The following CCDC171 variants were observed in gnomAD, a reference collection of about 807,000 sequenced individuals.
The protein encoded by CCDC171 is coiled-coil domain containing 171.
Under a neutral mutation model 168.2 loss-of-function variants are expected in CCDC171, and 177 were observed. The observed-to-expected ratio is 1.05, with a 90% CI of 0.93 to 1.19. The LOEUF (loss-of-function observed/expected upper bound fraction) is 1.19. CCDC171 is among the 50% of genes most tolerant of loss of function. The pLI is 0.00. For missense variants in CCDC171, 1,991 were observed against 1,539.0 expected (o/e 1.29, Z -4.91); for synonymous variants, 687 against 540.8 (o/e 1.27, Z -3.75).
At chr9:15,813,508 C>A (rs1250846032) in intron 21 of CCDC171, among the ~76,000 whole-genome samples, 2 of 151,982 alleles carry the variant, frequency 1.3e-5, no homozygotes, top group African/African-American at 2.4e-5. Context: ...TCCCTTTGAC[C>A]ACAACCAACA....
chr9:15,990,791 G>A (rs1832166947), intron 3 of CCDC171, among the ~76,000 whole-genome samples: 1 of 152,102 alleles, frequency 6.6e-6, no homozygotes, highest in Admixed American at 6.5e-5. Flanking sequence ...CTCTGATAAA[G>A]CAGGCTTTAA....
chr9:15,833,630 C>T (rs554156197), intron 21 of CCDC171, among the ~76,000 whole-genome samples: 4 of 152,224 alleles, frequency 2.6e-5, no homozygotes, highest in Admixed American at 2.6e-4. Context: ...TTATTATTAA[C>T]TACAGTGAGG....
intron 21 of CCDC171, among the ~76,000 whole-genome samples, chr9:15,813,568 T>C (rs2135995556): frequency 1.3e-5 from 2 of 152,238 alleles, no homozygotes; most frequent in Middle Eastern, 6.8e-3. Context: ...TACAAGTCTG[T>C]GTTTCTTTCT....
intron 6 of CCDC171, among the ~76,000 whole-genome samples, chr9:15,602,172 G>T (rs1431330445): frequency 6.6e-6 from 1 of 152,042 alleles, no homozygotes. Flanking sequence ...ATTAACAAAA[G>T]AAAATAGCTT....
At chr9:15,699,288 C>G (rs1269384417) in intron 11 of CCDC171, among the ~76,000 whole-genome samples, 2 of 151,934 alleles carry the variant, frequency 1.3e-5, no homozygotes, top group Non-Finnish European at 2.9e-5. Flanking sequence ...GGCTCGCTGG[C>G]TCAGGAGTGA....
intron 9 of CCDC171, among the ~76,000 whole-genome samples, chr9:15,673,691 A>T (rs2049298535): frequency 6.6e-6 from 1 of 152,236 alleles, no homozygotes; most frequent in African/African-American, 2.4e-5. Context: ...CATCCCAGGG[A>T]TGAAGCCAAC....
chr9:16,088,769 A>T, the CCDC171 span, among the ~76,000 whole-genome samples: 2 of 152,176 alleles, frequency 1.3e-5, no homozygotes, highest in African/African-American at 2.4e-5. Context: ...TCAATATTGT[A>T]AAAATGCCAT....
intron 10 of CCDC171, among the ~76,000 whole-genome samples, chr9:15,694,432 C>T (rs777687973): frequency 3.3e-5 from 5 of 152,140 alleles, no homozygotes; most frequent in Non-Finnish European, 7.3e-5. Flanking sequence ...TCTTAGGTAT[C>T]TCTAGTGGAA....
intron 10 of CCDC171, among the ~76,000 whole-genome samples, chr9:15,689,810 C>T (rs2050661909): frequency 6.6e-6 from 1 of 152,066 alleles, no homozygotes; most frequent in Non-Finnish European, 1.5e-5. Context: ...AACTACAAAG[C>T]TACAGTAGTC....
intron 8 of CCDC171, among the ~76,000 whole-genome samples, chr9:15,662,868 C>A (rs1172076593): frequency 1.3e-5 from 2 of 152,204 alleles, no homozygotes; most frequent in African/African-American, 4.8e-5. Flanking sequence ...GTAATCCCAG[C>A]TACTCAGGAG....
At chr9:15,808,966 T>C (rs1483657793) in intron 21 of CCDC171, among the ~76,000 whole-genome samples, 2 of 152,122 alleles carry the variant, frequency 1.3e-5, no homozygotes, top group Non-Finnish European at 1.5e-5. Context: ...TTGCTGTGTC[T>C]TCACATGGTG....
chr9:15,773,078 T>G (rs2057098217), intron 18 of CCDC171, among the ~76,000 whole-genome samples: 1 of 152,174 alleles, frequency 6.6e-6, no homozygotes, highest in Non-Finnish European at 1.5e-5. Context: ...CGTTACTAAT[T>G]ATTACCTTTT....
chr9:16,108,464 A>G, the CCDC171 span, among the ~76,000 whole-genome samples: 641 of 152,336 alleles, frequency 4.2e-3, 34 homozygotes, highest in East Asian at 0.11. Context: ...TGATTGCAGA[A>G]TGAGTGTCCC....
At chr9:16,084,178 G>A in the CCDC171 span, among the ~76,000 whole-genome samples, 5 of 152,092 alleles carry the variant, frequency 3.3e-5, no homozygotes, top group African/African-American at 7.2e-5. Flanking sequence ...TTTAAATTGC[G>A]GAAACAGTTA....
At position 15,568,928 on chromosome 9, in the gene CCDC171, T is replaced by C. The variant is rs181949310; in HGVS notation, c.42-2696T>C. Among the ~76,000 whole-genome samples, 180 of 152,336 alleles carry C rather than the reference T, an allele frequency of 1.2e-3. 1 individual carries two copies. Among genetic ancestry groups the C allele is most frequent in the African/African-American group, 3.6e-3 (148 of 41,580 alleles). On this transcript the variant is annotated intron_variant, in intron 2 of 25. Transcript: ENST00000380701. ...AGATCCCATTGGTCAATTTTTGCTT[T>C]TGTTGTGATTGCTTTAGGCATCTTC... is the stretch of plus-strand genomic sequence containing the variant.
chr9:15,898,576 A>G (rs2131599546), intron 24 of CCDC171, among the ~76,000 whole-genome samples: 1 of 152,316 alleles, frequency 6.6e-6, no homozygotes. Flanking sequence ...TATCATTTAA[A>G]CAAAATTTTA....
chr9:16,029,819 A>G (rs1161714608), intron 6 of CCDC171, among the ~76,000 whole-genome samples: 2 of 152,206 alleles, frequency 1.3e-5, no homozygotes, highest in Non-Finnish European at 2.9e-5. Flanking sequence ...AGGGGCTTGT[A>G]TGTGTTCAAC....
intron 18 of CCDC171, among the ~76,000 whole-genome samples, chr9:15,747,008 G>C (rs2055343552): frequency 6.6e-6 from 1 of 152,200 alleles, no homozygotes; most frequent in Non-Finnish European, 1.5e-5. Flanking sequence ...AAATCCATTG[G>C]CTTGAAATCC....
At chr9:16,009,534 A>G (rs1486373559) in intron 3 of CCDC171, among the ~76,000 whole-genome samples, 3 of 152,196 alleles carry the variant, frequency 2.0e-5, no homozygotes, top group East Asian at 3.8e-4. Context: ...TGGACCCGTT[A>G]TCTTTAAGCT....
Sources: gnomAD v4.1 joint callset for allele counts (sites outside exome capture counted in the v4.1 genomes callset) on GRCh38, gnomAD v4.1.1 for gene constraint, MANE v1.5 for transcripts, NCBI Gene and HGNC (gene_info 2026-07-23, HGNC 2026-07-21) for gene names.